The following ODAD2 variants were observed in gnomAD, a reference collection of about 807,000 sequenced individuals.
ODAD2 encodes the protein outer dynein arm docking complex subunit 2.
ODAD2 carries 89 observed loss-of-function variants against 106.8 expected under a neutral mutation model. That is an observed-to-expected ratio of 0.83 (90% CI 0.70 to 0.99). The LOEUF (loss-of-function observed/expected upper bound fraction) is 0.99. Among genes scored for constraint, ODAD2 ranks in the 50% least tolerant of loss-of-function variants. The pLI is 0.00. For synonymous variants in ODAD2, 404 were observed against 436.2 expected, an observed-to-expected ratio of 0.93 and a Z score of 0.92; for missense variants, 1,168 against 1,238.5, an observed-to-expected ratio of 0.94 and a Z score of 0.85.
chr10:27,919,910 CACTAA>C (rs2133952021), intron 16 of ODAD2, among the ~76,000 whole-genome samples: 1 of 152,218 alleles, frequency 6.6e-6, no homozygotes, highest in African/African-American at 2.4e-5. Context: ...TATGAAAACT[CACTAA>C]ACTAAACAAT....
chr10:27,917,927 T>A (rs1367870128), intron 16 of ODAD2, among the ~76,000 whole-genome samples: 1 of 151,772 alleles, frequency 6.6e-6, no homozygotes, highest in African/African-American at 2.4e-5. Context: ...AGAAATAAAA[T>A]AAAATGAACA....
At position 27,940,092 on chromosome 10, in the gene ODAD2, A is replaced by C; in HGVS notation, c.1987-85T>G. ...ATTTATTAATAAACATGCTGAACAA[A>C]CTTTCTTAGGAAATAATCACCATAG... On this transcript the variant is annotated intron_variant, in intron 13 of 19. Coordinates refer to ENST00000305242, the MANE Select transcript of ODAD2 (RefSeq NM_018076.5). 3.4e-6 allele frequency: 3 copies of C among 892,598 alleles called. No individual in the cohort carries two copies. The South Asian group carries it at 5.3e-5, about 16-fold the overall frequency. 55.3% of individuals were successfully genotyped at this position (892,598 alleles called of 1,614,324 possible). A position where few individuals can be genotyped will look rare whatever the true frequency, so the allele number is the denominator to read the frequency against.
intron 2 of ODAD2, among the ~76,000 whole-genome samples, chr10:27,989,772 CG>C (rs1361047854): frequency 2.0e-5 from 3 of 151,880 alleles, no homozygotes; most frequent in African/African-American, 7.3e-5. Flanking sequence ...CACTTGAGCC[CG>C]GGAGGCGGGA....
intron 17 of ODAD2, among the ~76,000 whole-genome samples, chr10:27,874,402 G>A (rs1227601511): frequency 1.3e-5 from 2 of 152,142 alleles, no homozygotes; most frequent in African/African-American, 4.8e-5. Flanking sequence ...TCATTGTGAT[G>A]TTAGCTGGTT....
At chr10:27,837,096 C>A (rs1255047380) in intron 19 of ODAD2, among the ~76,000 whole-genome samples, 1 of 152,064 alleles carries the variant, frequency 6.6e-6, no homozygotes, top group East Asian at 1.9e-4. Context: ...TCATATTCAT[C>A]CTGAGGGAAA....
At chr10:27,896,521 A>G (rs1446394978) in intron 17 of ODAD2, among the ~76,000 whole-genome samples, 2 of 152,218 alleles carry the variant, frequency 1.3e-5, no homozygotes, top group Non-Finnish European at 2.9e-5. Flanking sequence ...CCTGGATAAA[A>G]TAAGGAGGTG....
At chr10:27,899,542 C>T (rs1018532511) in intron 17 of ODAD2, among the ~76,000 whole-genome samples, 1 of 152,136 alleles carries the variant, frequency 6.6e-6, no homozygotes, top group African/African-American at 2.4e-5. Flanking sequence ...TCCCACGGAG[C>T]CCAGCAAGCT....
intron 10 of ODAD2, among the ~76,000 whole-genome samples, chr10:27,959,270 A>T: frequency 6.7e-6 from 1 of 149,654 alleles, no homozygotes; most frequent in Admixed American, 6.6e-5. Flanking sequence ...GAAAGAAAGG[A>T]AAGGAAAGGG....
chr10:27,839,209 AT>A (rs1332963177), intron 19 of ODAD2, among the ~76,000 whole-genome samples: 2 of 152,078 alleles, frequency 1.3e-5, no homozygotes, highest in Non-Finnish European at 2.9e-5. Context: ...TTAACCCTGA[AT>A]TTTTTTCTGA....
intron 7 of ODAD2, among the ~76,000 whole-genome samples, chr10:27,977,292 C>T (rs1020664139): frequency 6.6e-6 from 1 of 151,680 alleles, no homozygotes; most frequent in African/African-American, 2.4e-5. Context: ...CGGCCGGGCA[C>T]GGTGGCTCAC....
chr10:27,948,779 A>ATTTTTTTTTTTTTTTTTTT (rs11451204), intron 10 of ODAD2, among the ~76,000 whole-genome samples: 1 of 40,318 alleles, frequency 2.5e-5, no homozygotes. Context: ...TGGCCTTTGG[A>ATTTTTTTTTTTTTTTTTTT]TTTTTTTTTT....
At chr10:27,960,866 C>A (rs962987703) in intron 10 of ODAD2, among the ~76,000 whole-genome samples, 24 of 152,182 alleles carry the variant, frequency 1.6e-4, no homozygotes, top group African/African-American at 5.6e-4. Context: ...GTCGGCTTTA[C>A]ACAAGGCCTA....
chr10:27,897,546 G>A lies in ODAD2; in HGVS notation c.2610+10117C>T, dbSNP rs569802190. The stretch of plus-strand genomic sequence containing the variant: ...CTCTTCTCTCCATCCACACTGCCAT[G>A]GTGTTAGGTCAAATTTTAATCATTT... On this transcript the variant is annotated intron_variant, in intron 17 of 19. Coordinates refer to ENST00000305242, the MANE Select transcript of ODAD2 (RefSeq NM_018076.5). Among the ~76,000 whole-genome samples, 5 of 152,216 alleles carry A rather than the reference G, an allele frequency of 3.3e-5. No homozygotes were observed. The South Asian group carries it at 1.0e-3, about 32-fold the overall frequency.
intron 19 of ODAD2, among the ~76,000 whole-genome samples, chr10:27,831,756 T>C (rs907358185): frequency 6.6e-6 from 1 of 152,256 alleles, no homozygotes; most frequent in Non-Finnish European, 1.5e-5. Flanking sequence ...CTCTGGCCCT[T>C]TGGCCATCAT....
intron 19 of ODAD2, among the ~76,000 whole-genome samples, chr10:27,850,190 A>G (rs1839143441): frequency 1.3e-5 from 2 of 152,144 alleles, no homozygotes. Flanking sequence ...CACACCTGTA[A>G]TCTCAACACT....
chr10:27,844,199 CA>C (rs796941708), intron 19 of ODAD2, among the ~76,000 whole-genome samples: 1 of 151,394 alleles, frequency 6.6e-6, no homozygotes, highest in Non-Finnish European at 1.5e-5. Flanking sequence ...TGTCTCAAAC[CA>C]AAAAAAAGAA....
chr10:27,989,787 TGCAGTGAG>T (rs1850110135), intron 2 of ODAD2, among the ~76,000 whole-genome samples: 1 of 152,090 alleles, frequency 6.6e-6, no homozygotes, highest in Admixed American at 6.6e-5. Context: ...GGCGGGAGGA[TGCAGTGAG>T]CCAACATCAC....
At chr10:27,971,738 A>G (rs1848878502) in intron 7 of ODAD2, among the ~76,000 whole-genome samples, 1 of 152,194 alleles carries the variant, frequency 6.6e-6, no homozygotes, top group Non-Finnish European at 1.5e-5. Context: ...AACACTGCAA[A>G]CCAGAAGAAA....
chr10:27,813,055 A>T (rs1434654406), intron 19 of ODAD2, among the ~76,000 whole-genome samples: 1 of 152,018 alleles, frequency 6.6e-6, no homozygotes, highest in Non-Finnish European at 1.5e-5. Flanking sequence ...CTTAATAGGG[A>T]CTCTCAGTGC....
Sources: allele counts gnomAD v4.1 joint callset (sites outside exome capture counted in the v4.1 genomes callset), GRCh38; gene constraint gnomAD v4.1.1; transcripts MANE v1.5; gene names NCBI Gene and HGNC (gene_info 2026-07-23, HGNC 2026-07-21).